The following TLN2 variants were observed in gnomAD, a reference collection of about 807,000 sequenced individuals.
TLN2 encodes the protein talin-2.
Under a neutral mutation model 294.7 loss-of-function variants are expected in TLN2, and 118 were observed. That is an observed-to-expected ratio of 0.40 (90% confidence interval 0.34 to 0.47). The LOEUF (loss-of-function observed/expected upper bound fraction) is 0.47. TLN2 is among the 20% of genes least tolerant of loss of function. The pLI, the probability that TLN2 is intolerant of heterozygous loss-of-function variation, is 0.84. For synonymous variants in TLN2, 1,431 were observed against 1,304.5 expected (o/e 1.10, Z -2.09); for missense variants, 3,083 against 3,282.2 (o/e 0.94, Z 1.48).
chr15:62,492,543 C>CA (rs35935035), intron 1 of TLN2, among the ~76,000 whole-genome samples: 26,462 of 83,908 alleles, frequency 0.32, 3,398 homozygotes, highest in East Asian at 0.6. Flanking sequence ...GACTCTGTCT[C>CA]AAAAAAAAAA....
chr15:62,426,172 G>T (rs998788980), intron 1 of TLN2, among the ~76,000 whole-genome samples: 2 of 152,194 alleles, frequency 1.3e-5, no homozygotes, highest in Non-Finnish European at 2.9e-5. Flanking sequence ...GTGTCCTAGA[G>T]GTGACTCCCG....
intron 1 of TLN2, among the ~76,000 whole-genome samples, chr15:62,547,027 A>G (rs2042031903): frequency 6.6e-6 from 1 of 152,226 alleles, no homozygotes; most frequent in Non-Finnish European, 1.5e-5. Flanking sequence ...GGGGATAAAG[A>G]AGCAGTATTG....
Position 62,753,802 on chromosome 15 carries a change from A to T in TLN2, c.4362A>T (p.Pro1454=), listed in dbSNP as rs774109231. ...CATACTTGGTTGGCATCTCTGATCC[A>T]AACAGCCAGGCAGGCCACCAGGGCC... The part of the protein sequence containing the change: ...QAAYLVGISD[P]NSQAGHQGLV... Residue 1454 remains proline, a synonymous_variant, in exon 36 of 59, where the codon CCA becomes CCT. Coordinates refer to ENST00000636159, the MANE Select transcript of TLN2 (RefSeq NM_015059.3). The T allele has an allele frequency of 1.9e-6, 3 of 1,611,578 alleles. No homozygotes were observed. The highest frequency in any genetic ancestry group is 1.3e-5 in the African/African-American group (1 of 74,944).
At chr15:62,680,099 A>T (rs2056681085) in intron 11 of TLN2, among the ~76,000 whole-genome samples, 1 of 152,218 alleles carries the variant, frequency 6.6e-6, no homozygotes, top group Admixed American at 6.5e-5. Context: ...CCCTAACATC[A>T]GATAAATTCC....
Position 62,707,264 on chromosome 15 carries a change from T to C in TLN2, c.2172+11T>C, listed in dbSNP as rs1352762366. ...GTGGCATGTGCCAAGGTAAGCCAGC[T>C]GGCACCCCAGCCCTTTCTACCCAGT... is the stretch of plus-strand genomic sequence containing the variant. On this transcript the variant is annotated intron_variant, in intron 20 of 58. Transcript: ENST00000636159. 1 of 1,603,408 alleles carries C rather than the reference T, an allele frequency of 6.2e-7. No homozygotes were observed. Among genetic ancestry groups the C allele is most frequent in the Non-Finnish European group, 8.5e-7 (1 of 1,172,452 alleles).
intron 51 of TLN2, among the ~76,000 whole-genome samples, chr15:62,807,815 G>C (rs1336300519): frequency 6.6e-6 from 1 of 152,188 alleles, no homozygotes; most frequent in African/African-American, 2.4e-5. Flanking sequence ...ACCAAAATCA[G>C]ACTTGACAGG....
intron 50 of TLN2, 104 bp from the exon 51 acceptor site, chr15:62,805,496 C>T (rs2141159115): frequency 1.6e-6 from 2 of 1,234,744 alleles, no homozygotes; most frequent in East Asian, 5.1e-5. Flanking sequence ...CTTCCAGTTA[C>T]TGGCTCAGTT....
rs555572618 is a variant in TLN2, at chr15:62,433,265, G to C, written c.-238+42580G>C. Among the ~76,000 whole-genome samples, 28 of 152,256 alleles carry C rather than the reference G, an allele frequency of 1.8e-4. 1 individual carries two copies. In the South Asian group the frequency reaches 5.4e-3, roughly 29 times the overall value. On this transcript the variant is annotated intron_variant, in intron 1 of 58. Transcript: ENST00000636159. ...GGGACCCAGGGGACAATCTGACACA[G>C]AAGCCTGAGGGTTTTTGCCTTGTAA... is the stretch of plus-strand genomic sequence containing the variant.
chr15:62,581,676 T>C (rs1016369579), intron 1 of TLN2, among the ~76,000 whole-genome samples: 1 of 152,146 alleles, frequency 6.6e-6, no homozygotes, highest in African/African-American at 2.4e-5. Flanking sequence ...AAATGTAAAA[T>C]AGTGTATTTC....
intron 1 of TLN2, among the ~76,000 whole-genome samples, chr15:62,491,956 C>T (rs189182917): frequency 2.0e-5 from 3 of 152,224 alleles, no homozygotes; most frequent in Admixed American, 6.5e-5. Flanking sequence ...CTGAGAATTG[C>T]GGCAGGGAGC....
At chr15:62,491,351 T>TAC (rs1166046640) in intron 1 of TLN2, among the ~76,000 whole-genome samples, 2,487 of 100,158 alleles carry the variant, frequency 0.025, 68 homozygotes, top group African/African-American at 0.068. Context: ...TATATATATA[T>TAC]ACACACACAC....
intron 44 of TLN2, 91 bp from the exon 45 acceptor site, chr15:62,783,680 G>A (rs929282756): frequency 2.7e-6 from 4 of 1,466,460 alleles, no homozygotes; most frequent in Non-Finnish European, 3.6e-6. Flanking sequence ...AAACCCTTTG[G>A]CTTCCAGTGA....
Position 62,771,043 on chromosome 15 carries a change from A to G in TLN2, c.5276A>G (p.Gln1759Arg). 1 of 1,613,114 alleles carries G rather than the reference A, an allele frequency of 6.2e-7. No individual in the cohort carries two copies. The highest frequency in any genetic ancestry group is 1.1e-5 in the South Asian group (1 of 91,022). ...GVASKILDHQ[Q>R]QMTVLDQTKT... ...GCCTCCAAGATTCTTGATCATCAGC[A>G]GCAGATGACGGTGCTGGACCAGACC... Residue 1759 changes from glutamine to arginine, a missense_variant, in exon 42 of 59, where the codon CAG (glutamine) becomes CGG (arginine). By Grantham distance (43) the Gln-to-Arg change is conservative (BLOSUM62 1). Coordinates refer to ENST00000636159, the MANE Select transcript of TLN2 (RefSeq NM_015059.3).
chr15:62,453,736 C>T (rs2036294488), intron 1 of TLN2: 1 of 152,232 alleles, frequency 6.6e-6, no homozygotes. Context: ...AAAGCATCTG[C>T]ACTGAGTAAG....
At chr15:62,447,568 A>C (rs1290178587) in intron 1 of TLN2, among the ~76,000 whole-genome samples, 1 of 145,730 alleles carries the variant, frequency 6.9e-6, no homozygotes, top group Admixed American at 7.1e-5. Flanking sequence ...GATCTTGCTC[A>C]CTGCAAGCTC....
chr15:62,504,482 TTAGA>T (rs986351427), intron 1 of TLN2, among the ~76,000 whole-genome samples: 94 of 152,238 alleles, frequency 6.2e-4, no homozygotes, highest in African/African-American at 2.1e-3. Context: ...AGCAGCCATA[TTAGA>T]TGGATGGAAC....
At chr15:62,817,515 T>C (rs1465668563) in intron 52 of TLN2, among the ~76,000 whole-genome samples, 1 of 152,224 alleles carries the variant, frequency 6.6e-6, no homozygotes, top group Non-Finnish European at 1.5e-5. Context: ...TCAAAGATTA[T>C]TGACTAATCC....
intron 54 of TLN2, among the ~76,000 whole-genome samples, chr15:62,826,878 A>G (rs2068260030): frequency 1.3e-5 from 2 of 152,118 alleles, no homozygotes; most frequent in Admixed American, 1.3e-4. Flanking sequence ...ATATATATCC[A>G]AGAGGGTTTT....
intron 1 of TLN2, among the ~76,000 whole-genome samples, chr15:62,453,101 G>T (rs1011185144): frequency 2.0e-5 from 3 of 152,140 alleles, no homozygotes; most frequent in Non-Finnish European, 4.4e-5. Context: ...AGTTTAACTA[G>T]ATTTGCTGCA....
Sources: gnomAD v4.1 joint callset for allele counts (sites outside exome capture counted in the v4.1 genomes callset) on GRCh38, gnomAD v4.1.1 for gene constraint, MANE v1.5 for transcripts, NCBI Gene and HGNC (gene_info 2026-07-23, HGNC 2026-07-21) for gene names.